Variants in KCND3 observed in about 807,000 individuals in gnomAD.
KCND3 encodes potassium voltage-gated channel subfamily D member 3.
A neutral mutation model predicts 51.1 loss-of-function variants in KCND3; 9 were observed. The observed-to-expected ratio is 0.18, with a 90% CI of 0.11 to 0.31. The LOEUF is 0.31. Among genes scored for constraint, KCND3 ranks in the 10% least tolerant of loss-of-function variants. The probability of loss-of-function intolerance (pLI) is 1.00; values close to 1 mark genes in which losing one functional copy is unlikely to be tolerated. For missense variants in KCND3, 526 were observed against 903.8 expected, an observed-to-expected ratio of 0.58 and a Z score of 5.36; for synonymous variants, 349 against 368.0, an observed-to-expected ratio of 0.95 and a Z score of 0.59.
At chr1:111,911,302 G>C (rs962998901) in intron 2 of KCND3, among the ~76,000 whole-genome samples, 6 of 152,188 alleles carry the variant, frequency 3.9e-5, no homozygotes, top group Admixed American at 3.9e-4. Context: ...AGCAGATTTG[G>C]TATTAGAAGG....
At chr1:111,908,218 CT>C (rs1339867238) in intron 2 of KCND3, among the ~76,000 whole-genome samples, 1 of 152,180 alleles carries the variant, frequency 6.6e-6, no homozygotes, top group Non-Finnish European at 1.5e-5. Context: ...CAGCTGGGCA[CT>C]TTTCCATGCA....
intron 2 of KCND3, among the ~76,000 whole-genome samples, chr1:111,795,249 C>T (rs1665006420): frequency 6.6e-6 from 1 of 152,164 alleles, no homozygotes; most frequent in Admixed American, 6.5e-5. Context: ...CCTTGGCTCA[C>T]CTGCAAAGTG....
At chr1:111,816,973 G>A in intron 2 of KCND3, among the ~76,000 whole-genome samples, 1 of 152,146 alleles carries the variant, frequency 6.6e-6, no homozygotes, top group East Asian at 1.9e-4. Flanking sequence ...ACCTGGATGT[G>A]CACATACATG....
At chr1:111,863,365 T>TA (rs2101694573) in intron 2 of KCND3, among the ~76,000 whole-genome samples, 1 of 150,434 alleles carries the variant, frequency 6.6e-6, no homozygotes, top group South Asian at 2.1e-4. Flanking sequence ...TTCTCGATGA[T>TA]AGAGATGAAA....
chr1:111,984,909 C>T (rs1054087816), intron 1 of KCND3, among the ~76,000 whole-genome samples: 2 of 152,188 alleles, frequency 1.3e-5, no homozygotes, highest in Admixed American at 6.5e-5. Flanking sequence ...TTCCTTTGGG[C>T]TCTTGACTCG....
chr1:111,896,490 T>C (rs1242243365), intron 2 of KCND3, among the ~76,000 whole-genome samples: 1 of 152,216 alleles, frequency 6.6e-6, no homozygotes, highest in African/African-American at 2.4e-5. Flanking sequence ...CAAGTGGACA[T>C]GGTGCTGACA....
At chr1:111,873,966 C>CGATT (rs1668941307) in intron 2 of KCND3, among the ~76,000 whole-genome samples, 1 of 151,968 alleles carries the variant, frequency 6.6e-6, no homozygotes, top group Non-Finnish European at 1.5e-5. Context: ...AGCCAACACT[C>CGATT]GATTATACCC....
chr1:111,965,438 C>CCCCACA (rs1553184422), intron 2 of KCND3, among the ~76,000 whole-genome samples: 1 of 72,368 alleles, frequency 1.4e-5, no homozygotes, highest in South Asian at 8.6e-4. Context: ...GCCAGCAAAA[C>CCCCACA]CACACACACA....
chr1:111,833,511 G>A (rs1666935271), intron 2 of KCND3, among the ~76,000 whole-genome samples: 1 of 152,196 alleles, frequency 6.6e-6, no homozygotes, highest in Non-Finnish European at 1.5e-5. Context: ...CAGTTTCTTA[G>A]GAATCATGCT....
chr1:111,951,353 A>G (rs912009113), intron 2 of KCND3, among the ~76,000 whole-genome samples: 5 of 152,076 alleles, frequency 3.3e-5, no homozygotes, highest in African/African-American at 1.2e-4. Context: ...CACCTTGCCC[A>G]TACCTCAGTT....
rs1663895031 is a variant in KCND3 at position 111,771,094 on chromosome 1, A to C, written c.*4983T>G. On this transcript the variant is annotated 3_prime_UTR_variant, in exon 8 of 8. Coordinates refer to ENST00000302127, the MANE Select transcript of KCND3 (RefSeq NM_001378969.1). Reference sequence around the variant, plus strand: ...CAAGGAGCCCCCCAGGACTTGGGTCAGTGCCGTACACTGGTTAGAGTGACA... The same window carrying C: ...CAAGGAGCCCCCCAGGACTTGGGTCCGTGCCGTACACTGGTTAGAGTGACA... 6.6e-6 allele frequency: 1 copy of C among 152,242 alleles called. No individual in the cohort carries two copies. Among genetic ancestry groups the C allele is most frequent in the African/African-American group, 2.4e-5 (1 of 41,468 alleles). The allele number at this position is 152,242 out of a possible 1,614,324, so 9.4% of individuals were successfully genotyped here. A position where few individuals can be genotyped will look rare whatever the true frequency, so the allele number is the denominator to read the frequency against.
At chr1:111,878,803 G>A (rs1434505081) in intron 2 of KCND3, among the ~76,000 whole-genome samples, 1 of 152,182 alleles carries the variant, frequency 6.6e-6, no homozygotes, top group African/African-American at 2.4e-5. Context: ...GACTTGGCTA[G>A]GTCAAGGCCA....
At chr1:111,943,455 T>C (rs1672627273) in intron 2 of KCND3, among the ~76,000 whole-genome samples, 2 of 152,158 alleles carry the variant, frequency 1.3e-5, no homozygotes, top group Non-Finnish European at 2.9e-5. Context: ...AATACTCTCA[T>C]CTTACAGGGG....
chr1:111,901,200 C>T (rs1670366365), intron 2 of KCND3, among the ~76,000 whole-genome samples: 1 of 148,904 alleles, frequency 6.7e-6, no homozygotes, highest in Non-Finnish European at 1.5e-5. Context: ...AGTGACATGC[C>T]CCAAAGAATC....
chr1:111,861,811 A>C (rs1668349930), intron 2 of KCND3, among the ~76,000 whole-genome samples: 1 of 152,170 alleles, frequency 6.6e-6, no homozygotes, highest in Admixed American at 6.5e-5. Flanking sequence ...ATTCTTCCTT[A>C]TGCCATCTAT....
chr1:111,808,585 CA>C (rs1424616160), intron 2 of KCND3, among the ~76,000 whole-genome samples: 1 of 152,200 alleles, frequency 6.6e-6, no homozygotes, highest in Non-Finnish European at 1.5e-5. Flanking sequence ...AAGACAACTG[CA>C]GACTAAAGGT....
chr1:111,816,412 G>A (rs1666091128), intron 2 of KCND3, among the ~76,000 whole-genome samples: 2 of 152,376 alleles, frequency 1.3e-5, no homozygotes, highest in Non-Finnish European at 1.5e-5. Context: ...GCATTCGCAC[G>A]GAGCTTCCTT....
chr1:111,809,344 T>C (rs1665731602), intron 2 of KCND3, among the ~76,000 whole-genome samples: 1 of 151,266 alleles, frequency 6.6e-6, no homozygotes, highest in Admixed American at 6.6e-5. Flanking sequence ...AGTCTCGCTC[T>C]GTCCCCCAGG....
chr1:111,780,292 A>G lies in KCND3; in HGVS notation c.1394T>C (p.Met465Thr). 1 of 1,578,516 alleles carries G rather than the reference A, an allele frequency of 6.3e-7. No individual in the cohort carries two copies. The highest frequency in any genetic ancestry group is 8.6e-7 in the Non-Finnish European group (1 of 1,160,810). The change falls in exon 5 of 8, where the codon ATG (methionine) becomes ACG (threonine). Residue 465 changes from methionine (M) to threonine (T), a missense_variant. Physicochemically the swap from Met to Thr is moderately conservative, Grantham distance 81 (BLOSUM62 -1). Coordinates refer to ENST00000302127, the MANE Select transcript of KCND3 (RefSeq NM_001378969.1). This position sits in a 1 kb window ranked among gnomAD's most constrained non-coding sequence, Gnocchi z 4.2. Reference protein sequence around the residue: ...ELTGTPEEEHMGKTTSLIESQ... With the variant: ...ELTGTPEEEHTGKTTSLIESQ... ...CTCGATGAGTGAGGTGGTCTTGCCC[A>G]TGTGCTCCTCTTCTGGGGTGCCCTA...
Sources: allele counts gnomAD v4.1 joint callset (sites outside exome capture counted in the v4.1 genomes callset), GRCh38; gene constraint gnomAD v4.1.1; non-coding constraint Gnocchi (gnomAD v3.1); transcripts MANE v1.5; gene names NCBI Gene and HGNC (gene_info 2026-07-23, HGNC 2026-07-21).